The following DNAAF9 variants were observed in gnomAD, a reference collection of about 807,000 sequenced individuals.
DNAAF9 encodes the protein shulin.
DNAAF9 carries 90 observed loss-of-function variants against 167.0 expected under a neutral mutation model. The observed-to-expected ratio is 0.54, with a 90% confidence interval of 0.45 to 0.64. The LOEUF is 0.64. Among genes scored for constraint, DNAAF9 ranks in the 30% least tolerant of loss-of-function variants. The pLI, the probability that DNAAF9 is intolerant of heterozygous loss-of-function variation, is 0.00. For missense variants in DNAAF9, 1,315 were observed against 1,442.2 expected (o/e 0.91, Z 1.43); for synonymous variants, 491 against 508.8 (o/e 0.96, Z 0.47).
In DNAAF9 at chr20:3,322,647, C is replaced by A. The variant is rs1247301197; in HGVS notation, c.1310+5G>T. 3.1e-6 allele frequency: 5 copies of A among 1,607,182 alleles called. No individual in the cohort carries two copies. Among genetic ancestry groups the A allele is most frequent in the South Asian group, 1.1e-5 (1 of 90,950 alleles). On this transcript the variant is annotated splice_donor_5th_base_variant and intron_variant, in intron 15 of 36. Coordinates refer to ENST00000252032, the MANE Select transcript of DNAAF9 (RefSeq NM_001009984.3). ...TGTAAGGATGCACCACAATCATATA[C>A]GCACCTTCCCTGATTATTCACAGCA...
At chr20:3,344,016 CAAA>C (rs1296572725) in intron 8 of DNAAF9, among the ~76,000 whole-genome samples, 12 of 151,934 alleles carry the variant, frequency 7.9e-5, no homozygotes, top group African/African-American at 2.9e-4. Context: ...GAAAAAAAGA[CAAA>C]AACCTGCAAA....
chr20:3,254,772 G>A (rs2068249612), intron 35 of DNAAF9, among the ~76,000 whole-genome samples: 1 of 152,202 alleles, frequency 6.6e-6, no homozygotes, highest in Admixed American at 6.5e-5. Context: ...CAGAGGCTGG[G>A]GGTCAGAGCC....
At chr20:3,275,728 G>A (rs1418582049) in intron 29 of DNAAF9, among the ~76,000 whole-genome samples, 1 of 152,218 alleles carries the variant, frequency 6.6e-6, no homozygotes, top group Non-Finnish European at 1.5e-5. Context: ...TGGGCCAGGA[G>A]CTTCCTTCTG....
At chr20:3,264,182 C>G (rs75292804) in intron 31 of DNAAF9, among the ~76,000 whole-genome samples, 1 of 152,206 alleles carries the variant, frequency 6.6e-6, no homozygotes, top group Non-Finnish European at 1.5e-5. Context: ...CAGGGCACAG[C>G]GGTGCTTGCT....
chr20:3,361,370 G>C (rs1043008277), intron 6 of DNAAF9, among the ~76,000 whole-genome samples: 1 of 133,874 alleles, frequency 7.5e-6, no homozygotes, highest in African/African-American at 2.5e-5. Context: ...ACTTAAACCA[G>C]GGGTGCAGGC....
chr20:3,283,344 T>C (rs987956240), intron 27 of DNAAF9, among the ~76,000 whole-genome samples: 3 of 152,230 alleles, frequency 2.0e-5, no homozygotes, highest in African/African-American at 7.2e-5. Context: ...CCCTTGGCTT[T>C]ATCCCCAGAC....
intron 2 of DNAAF9, among the ~76,000 whole-genome samples, chr20:3,381,924 AC>A (rs2083659665): frequency 6.6e-6 from 1 of 152,144 alleles, no homozygotes; most frequent in South Asian, 2.1e-4. Context: ...AACCACAAAC[AC>A]CCATCACTTT....
chr20:3,390,035 CA>C (rs1162463454), intron 1 of DNAAF9, among the ~76,000 whole-genome samples: 5,442 of 87,692 alleles, frequency 0.062, 122 homozygotes, highest in African/African-American at 0.13. Context: ...GACTCCATCT[CA>C]AAAAAAAAAA....
At chr20:3,255,330 G>C in intron 34 of DNAAF9, 46 bp from the exon 35 acceptor site, 1 of 1,243,936 alleles carries the variant, frequency 8.0e-7, no homozygotes, top group Non-Finnish European at 1.2e-6. Context: ...AGAACTCATG[G>C]AGTGCATGGG....
intron 31 of DNAAF9, among the ~76,000 whole-genome samples, chr20:3,263,152 T>C (rs1020955331): frequency 5.2e-4 from 79 of 151,992 alleles, no homozygotes; most frequent in Admixed American, 3.3e-4. Context: ...TTTTTTGTAT[T>C]TTCAGTAGAG....
Position 3,359,626 on chromosome 20 carries a change from A to G in DNAAF9, c.613-33T>C, listed in dbSNP as rs766177524. On this transcript the variant is annotated intron_variant, in intron 6 of 36. Transcript: ENST00000252032. ...AGAGGGCAAAAACATTGAAATAATT[A>G]AGTCAATATCATTAGGACAATCAGA... The G allele has an allele frequency of 3.5e-6, 5 of 1,420,560 alleles. No individual in the cohort carries two copies. In the South Asian group the frequency reaches 5.9e-5, roughly 17 times the overall value. The allele number at this position is 1,420,560 out of a possible 1,614,324, so 88.0% of individuals were successfully genotyped here. A position where few individuals can be genotyped will look rare whatever the true frequency, so the allele number is the denominator to read the frequency against.
chr20:3,297,233 T>A (rs2069097298), intron 22 of DNAAF9, among the ~76,000 whole-genome samples: 2 of 152,200 alleles, frequency 1.3e-5, no homozygotes, highest in Non-Finnish European at 2.9e-5. Flanking sequence ...CAGACGCATG[T>A]TCTCCTCTAG....
chr20:3,270,306 C>A, intron 30 of DNAAF9, 121 bp downstream of exon 30: 2 of 941,590 alleles, frequency 2.1e-6, no homozygotes, highest in Non-Finnish European at 1.7e-6. Context: ...CCGCACCTGG[C>A]TCAAAAACTG....
intron 25 of DNAAF9, among the ~76,000 whole-genome samples, chr20:3,293,709 G>T (rs1222460837): frequency 1.3e-5 from 2 of 150,022 alleles, no homozygotes; most frequent in African/African-American, 4.9e-5. Flanking sequence ...GGGGAAGATA[G>T]TGTTTATAAA....
intron 1 of DNAAF9, among the ~76,000 whole-genome samples, chr20:3,407,018 C>G (rs1331976376): frequency 6.6e-6 from 1 of 152,004 alleles, no homozygotes; most frequent in African/African-American, 2.4e-5. Flanking sequence ...CACGAGGGAG[C>G]TATTGTGTGT....
chr20:3,382,555 G>C, intron 1 of DNAAF9, 49 bp from the exon 2 acceptor site: 2 of 1,406,708 alleles, frequency 1.4e-6, no homozygotes, highest in Non-Finnish European at 2.0e-6. Flanking sequence ...ACAGCCCCAT[G>C]AGAAGAGCAG....
At chr20:3,369,138 A>T (rs1422180390) in intron 6 of DNAAF9, among the ~76,000 whole-genome samples, 7 of 151,970 alleles carry the variant, frequency 4.6e-5, no homozygotes, top group Non-Finnish European at 1.0e-4. Context: ...TCAAAAAAAA[A>T]AAAAAGGATA....
intron 1 of DNAAF9, among the ~76,000 whole-genome samples, chr20:3,407,263 G>A (rs1227264677): frequency 6.6e-6 from 1 of 152,216 alleles, no homozygotes; most frequent in Non-Finnish European, 1.5e-5. Context: ...AGCCATTGTG[G>A]GGAAACCGTT....
chr20:3,294,552 G>A lies in DNAAF9; in HGVS notation c.2096C>T (p.Ser699Leu). The stretch of plus-strand genomic sequence containing the variant: ...CCAGTCCAGCTCTGGGAGTTTGGCT[G>A]AGAGTAACTTTAGGGAACTCCGTTT... ...GEKRSSLKLL[S>L]AKLPELDWFL... The change falls in exon 24 of 37, where the codon TCA (serine) becomes TTA (leucine). Residue 699 changes from serine to leucine, a missense_variant. Transcript: ENST00000252032. 6.2e-7 allele frequency: 1 copy of A among 1,612,380 alleles called. No homozygotes were observed. The highest frequency in any genetic ancestry group is 1.7e-5 in the Admixed American group (1 of 60,020).
Sources: allele counts gnomAD v4.1 joint callset (sites outside exome capture counted in the v4.1 genomes callset), GRCh38; gene constraint gnomAD v4.1.1; transcripts MANE v1.5; gene names NCBI Gene and HGNC (gene_info 2026-07-23, HGNC 2026-07-21).